CLSTN2: variants seen among roughly 807,000 people sequenced by gnomAD.
The protein encoded by CLSTN2 is calsyntenin-2.
CLSTN2 carries 48 observed loss-of-function variants against 101.2 expected under a neutral mutation model. The ratio of observed to expected loss-of-function variants is 0.47; its 90% CI spans 0.38 to 0.60. The LOEUF is 0.60. Ranked by LOEUF, CLSTN2 falls within the 20% of genes least tolerant of loss-of-function variation. CLSTN2 has a pLI of 0.00. For missense variants in CLSTN2, 1,160 were observed against 1,238.2 expected (o/e 0.94, Z 0.95); for synonymous variants, 481 against 463.6 (o/e 1.04, Z -0.48).
chr3:139,966,662 C>T (rs766813491), intron 1 of CLSTN2, among the ~76,000 whole-genome samples: 10 of 152,204 alleles, frequency 6.6e-5, no homozygotes, highest in Non-Finnish European at 1.2e-4. Flanking sequence ...ATACTGCATT[C>T]TCATGACTTA....
At chr3:140,236,493 G>T (rs1295589258) in intron 2 of CLSTN2, among the ~76,000 whole-genome samples, 1 of 152,096 alleles carries the variant, frequency 6.6e-6, no homozygotes, top group African/African-American at 2.4e-5. Context: ...GCCTCATTGA[G>T]CTTCTTCTTG....
intron 2 of CLSTN2, among the ~76,000 whole-genome samples, chr3:140,331,728 GTC>G (rs2087385516): frequency 6.6e-6 from 1 of 152,178 alleles, no homozygotes. Flanking sequence ...AAGGCAGTTA[GTC>G]TCTCTTCCAC....
chr3:139,972,932 G>T (rs545196164), intron 1 of CLSTN2, among the ~76,000 whole-genome samples: 2 of 152,300 alleles, frequency 1.3e-5, no homozygotes, highest in Admixed American at 6.5e-5. Context: ...AATTTTTTCT[G>T]CATATGTGCC....
At chr3:140,467,748 G>A (rs1005416466) in intron 8 of CLSTN2, among the ~76,000 whole-genome samples, 71 of 152,096 alleles carry the variant, frequency 4.7e-4, no homozygotes, top group African/African-American at 1.6e-3. Flanking sequence ...CTCCATCCTT[G>A]TTACTATATC....
intron 11 of CLSTN2, among the ~76,000 whole-genome samples, chr3:140,557,807 T>C (rs1053814113): frequency 2.0e-5 from 3 of 152,202 alleles, no homozygotes; most frequent in African/African-American, 7.2e-5. Flanking sequence ...TACATCTAGA[T>C]GACCAGGGGA....
intron 1 of CLSTN2, among the ~76,000 whole-genome samples, chr3:140,128,852 G>C (rs781131880): frequency 2.6e-5 from 4 of 152,192 alleles, no homozygotes; most frequent in East Asian, 3.9e-4. Context: ...GGAGAGGCCA[G>C]TGGGTGCTGT....
chr3:140,150,683 T>A (rs1436417189), intron 1 of CLSTN2, among the ~76,000 whole-genome samples: 1 of 152,150 alleles, frequency 6.6e-6, no homozygotes, highest in South Asian at 2.1e-4. Context: ...TCCAGAGGTG[T>A]GTTGAGGCTG....
intron 1 of CLSTN2, among the ~76,000 whole-genome samples, chr3:140,024,270 G>A (rs2007375220): frequency 6.6e-6 from 1 of 152,178 alleles, no homozygotes; most frequent in East Asian, 1.9e-4. Context: ...TATGGAGGTG[G>A]CAGTGTTCCG....
intron 1 of CLSTN2, among the ~76,000 whole-genome samples, chr3:140,147,888 T>C (rs73868757): frequency 0.039 from 6,009 of 152,276 alleles, 264 homozygotes; most frequent in African/African-American, 0.11. Flanking sequence ...ACCCTTGTCA[T>C]TTTTTAGAGA....
intron 2 of CLSTN2, among the ~76,000 whole-genome samples, chr3:140,267,574 C>A (rs879451602): frequency 5.9e-5 from 9 of 152,282 alleles, no homozygotes; most frequent in Admixed American, 3.9e-4. Context: ...GTGAACACAT[C>A]TTTAGCCAAA....
intron 2 of CLSTN2, among the ~76,000 whole-genome samples, chr3:140,310,296 C>T (rs2087154732): frequency 2.6e-5 from 4 of 152,156 alleles, no homozygotes; most frequent in Admixed American, 2.6e-4. Context: ...CCTCCCCGCC[C>T]TGAAGTTTGG....
Position 140,218,998 on chromosome 3 carries a change from C to T in CLSTN2, c.232+42925C>T, listed in dbSNP as rs531822708. Among the ~76,000 whole-genome samples, 9 of 152,202 alleles carry T rather than the reference C, an allele frequency of 5.9e-5. No homozygotes were observed. In the South Asian group the frequency reaches 6.2e-4, roughly 11 times the overall value. On this transcript the variant is annotated intron_variant, in intron 2 of 16. Coordinates refer to ENST00000458420, the MANE Select transcript of CLSTN2 (RefSeq NM_022131.3). ...ATACACGAGGTTGTTATAGGTGTCA[C>T]GTGAAGCTGTTTTGTTTTGTTTTTA...
chr3:140,366,607 T>G (rs1215453376), intron 2 of CLSTN2, among the ~76,000 whole-genome samples: 1 of 152,170 alleles, frequency 6.6e-6, no homozygotes. Flanking sequence ...AGTTGCTGCC[T>G]TTCCTGGGCC....
At chr3:140,170,933 A>G (rs1258843150) in intron 1 of CLSTN2, among the ~76,000 whole-genome samples, 1 of 152,188 alleles carries the variant, frequency 6.6e-6, no homozygotes, top group Non-Finnish European at 1.5e-5. Context: ...CAGGAACTGC[A>G]ACTTTAGATT....
chr3:140,266,559 A>G (rs1005583027), intron 2 of CLSTN2, among the ~76,000 whole-genome samples: 4 of 152,272 alleles, frequency 2.6e-5, no homozygotes, highest in Non-Finnish European at 4.4e-5. Context: ...CTGTTTACCT[A>G]TCTATTCCTA....
intron 2 of CLSTN2, among the ~76,000 whole-genome samples, chr3:140,202,189 T>C (rs1468087830): frequency 6.6e-6 from 1 of 152,200 alleles, no homozygotes; most frequent in Admixed American, 6.5e-5. Flanking sequence ...TGATCTGACT[T>C]ACATTGTGAT....
At chr3:140,495,534 G>T (rs1028369934) in intron 8 of CLSTN2, among the ~76,000 whole-genome samples, 2 of 152,096 alleles carry the variant, frequency 1.3e-5, no homozygotes, top group African/African-American at 4.8e-5. Context: ...TGAAATCTTT[G>T]CCCATGACTA....
At chr3:140,221,021 C>G (rs1032439266) in intron 2 of CLSTN2, among the ~76,000 whole-genome samples, 9 of 152,326 alleles carry the variant, frequency 5.9e-5, no homozygotes, top group East Asian at 1.9e-4. Context: ...GACTCATAGA[C>G]AAGGTCTAGG....
chr3:140,262,649 A>G (rs979181841), intron 2 of CLSTN2, among the ~76,000 whole-genome samples: 1 of 152,142 alleles, frequency 6.6e-6, no homozygotes, highest in Non-Finnish European at 1.5e-5. Flanking sequence ...GTGCAATAAG[A>G]GAAGACTGAC....
Sources: allele counts gnomAD v4.1 joint callset (sites outside exome capture counted in the v4.1 genomes callset), GRCh38; gene constraint gnomAD v4.1.1; transcripts MANE v1.5; gene names NCBI Gene and HGNC (gene_info 2026-07-23, HGNC 2026-07-21).